FAN1: variants seen among roughly 807,000 people sequenced by gnomAD.
FAN1 encodes the protein FANCD2 and FANCI associated nuclease 1.
Under a neutral mutation model 104.9 loss-of-function variants are expected in FAN1, and 91 were observed. That is an observed-to-expected ratio of 0.87 (90% CI 0.73 to 1.03). The LOEUF is 1.03. Ranked by LOEUF, FAN1 falls within the 50% of genes least tolerant of loss-of-function variation. The pLI, the probability that FAN1 is intolerant of heterozygous loss-of-function variation, is 0.00. For missense variants in FAN1, 1,263 were observed against 1,239.9 expected (o/e 1.02, Z -0.28); for synonymous variants, 478 against 457.6 (o/e 1.04, Z -0.57).
chr15:30,907,977 C>T (rs2062018813), intron 2 of FAN1, 141 bp from the exon 3 acceptor site: 2 of 544,264 alleles, frequency 3.7e-6, no homozygotes, highest in African/African-American at 3.9e-5. Flanking sequence ...TTTAAATGTA[C>T]TTTCAAAATG....
In FAN1 at chr15:30,942,389, G is replaced by C. The variant is rs1191387478; in HGVS notation, c.*827G>C. The C allele has an allele frequency of 1.3e-5, 5 of 378,870 alleles. No homozygotes were observed. In the East Asian group the frequency reaches 2.5e-4, roughly 19 times the overall value. 23.5% of individuals were successfully genotyped at this position (378,870 alleles called of 1,614,324 possible). ...CACTAGACCTGGCCGATTCTATCAAGAACAATGGCAAACTGAACAGAGGCA... is the reference window on the plus strand; with the variant it reads ...CACTAGACCTGGCCGATTCTATCAACAACAATGGCAAACTGAACAGAGGCA... On this transcript the variant is annotated 3_prime_UTR_variant, in exon 15 of 15. Coordinates refer to ENST00000362065, the MANE Select transcript of FAN1 (RefSeq NM_014967.5).
At chr15:30,938,120 C>CTT (rs1351443997) in intron 14 of FAN1, among the ~76,000 whole-genome samples, 5 of 151,464 alleles carry the variant, frequency 3.3e-5, no homozygotes, top group Admixed American at 2.6e-4. Context: ...GGAGGTGGAG[C>CTT]TTGCAGTGAG....
chr15:30,905,380 C>T lies in FAN1; in HGVS notation c.717C>T (p.Ala239=), dbSNP rs1479347664. ...HMVRGSKIME[A]ESQKATRECE... The stretch of plus-strand genomic sequence containing the variant: ...TAAGAGGAAGTAAAATAATGGAAGC[C>T]GAAAGCCAAAAGGCTACCCGGGAAT... The change falls in exon 2 of 15, where the codon GCC becomes GCT. Residue 239 remains alanine, a synonymous_variant. Coordinates refer to ENST00000362065, the MANE Select transcript of FAN1 (RefSeq NM_014967.5). 3.1e-6 allele frequency: 5 copies of T among 1,613,988 alleles called. No individual in the cohort carries two copies. The highest frequency in any genetic ancestry group is 4.2e-6 in the Non-Finnish European group (5 of 1,179,984).
intron 13 of FAN1, among the ~76,000 whole-genome samples, chr15:30,934,447 G>C (rs1385705835): frequency 2.0e-5 from 3 of 152,136 alleles, no homozygotes; most frequent in South Asian, 2.1e-4. Context: ...TTTAAATCCT[G>C]ATACTTATTT....
intron 10 of FAN1, chr15:30,928,273 A>G (rs1303225586): frequency 1.2e-5 from 15 of 1,209,660 alleles, no homozygotes; most frequent in African/African-American, 1.6e-5. Context: ...GTTATTCACT[A>G]AAGTTTGAGA....
chr15:30,929,572 ATATT>A (rs1156418788), intron 12 of FAN1, among the ~76,000 whole-genome samples, 175 bp downstream of exon 12: 9 of 125,112 alleles, frequency 7.2e-5, no homozygotes, highest in East Asian at 6.8e-4. Flanking sequence ...TATCTTTATT[ATATT>A]TATTATATTA....
At chr15:30,939,795 A>C (rs2062978106) in intron 14 of FAN1, 2 of 985,210 alleles carry the variant, frequency 2.0e-6, no homozygotes, top group Admixed American at 1.2e-4. Context: ...TGGTGTTATA[A>C]GGAGATTGGG....
chr15:30,909,775 C>T lies in FAN1; in HGVS notation c.1376-839C>T, dbSNP rs369079391. On this transcript the variant is annotated intron_variant, in intron 3 of 14. Coordinates refer to ENST00000362065, the MANE Select transcript of FAN1 (RefSeq NM_014967.5). ...TTTCCCCTCCACCCAGGTCAGTTTC[C>T]ACCACGTGGCCACACGGCATAGTTC... Among the ~76,000 whole-genome samples, 6 of 152,206 alleles carry T rather than the reference C, an allele frequency of 3.9e-5. No homozygotes were observed. In the East Asian group the frequency reaches 9.6e-4, roughly 24 times the overall value.
Position 30,918,262 on chromosome 15 carries a change from A to T in FAN1, c.1910A>T (p.Asp637Val). Residue 637 changes from aspartate to valine, a missense_variant, in exon 6 of 15, where the codon GAT becomes GTT. Transcript: ENST00000362065. ...GAGCTCGCTCAGTGTGCAAAAAGGG[A>T]TTGGAACAGACTGAAAAACCACCCT... ...AKELAQCAKR[D>V]WNRLKNHPSL... 6.2e-7 allele frequency: 1 copy of T among 1,614,190 alleles called. No individual in the cohort carries two copies.
chr15:30,937,302 T>G, intron 14 of FAN1, 43 bp downstream of exon 14: 1 of 1,550,908 alleles, frequency 6.4e-7, no homozygotes, highest in Non-Finnish European at 8.8e-7. Flanking sequence ...ATGTAAGATT[T>G]TCAAGAGTAT....
chr15:30,904,812 T>C lies in FAN1; in HGVS notation c.149T>C (p.Met50Thr), dbSNP rs148404807. 1 of 1,613,486 alleles carries C rather than the reference T, an allele frequency of 6.2e-7. No homozygotes were observed. Among genetic ancestry groups the C allele is most frequent in the African/African-American group, 1.3e-5 (1 of 74,930 alleles). Residue 50 changes from methionine to threonine, a missense_variant, in exon 2 of 15, where the codon ATG becomes ACG. Transcript: ENST00000362065. The stretch of plus-strand genomic sequence containing the variant: ...CTTGCCTGCCCCGTTTGCAGTAAAA[T>C]GGTGCCTAGATATGACTTAAACCGG... ...AKLACPVCSK[M>T]VPRYDLNRHL...
Position 30,914,027 on chromosome 15 carries a change from G to T in FAN1, c.1747G>T (p.Glu583Ter), listed in dbSNP as rs1430143858. The T allele has an allele frequency of 6.2e-7, 1 of 1,614,158 alleles. No individual in the cohort carries two copies. The highest frequency in any genetic ancestry group is 1.1e-5 in the South Asian group (1 of 91,084). Residue 583 changes from glutamate to a stop codon, truncating the protein, a stop_gained, in exon 5 of 15, where the codon GAG becomes TAG. Transcript: ENST00000362065. LOFTEE classifies it high-confidence loss of function. ...CCTGTTGGTCAACCTCGGCCGAATG[G>T]AGTTTCCTAGTTACACCATCAATCG... The part of the protein sequence containing the change: ...TVLLVNLGRM[E>*]FPSYTINRKT...
Position 30,904,842 on chromosome 15 carries a change from T to A in FAN1, c.179T>A (p.Leu60His), listed in dbSNP as rs777970369. 1.9e-6 allele frequency: 3 copies of A among 1,613,154 alleles called. No homozygotes were observed. ...MVPRYDLNRH[L>H]DEMCANNDFV... ...CCTAGATATGACTTAAACCGGCACC[T>A]TGATGAAATGTGTGCTAACAATGAC... Residue 60 changes from leucine (L) to histidine (H), a missense_variant, in exon 2 of 15, where the codon CTT becomes CAT. By Grantham distance (99) the Leu-to-His change is moderately conservative. Coordinates refer to ENST00000362065, the MANE Select transcript of FAN1 (RefSeq NM_014967.5).
At chr15:30,932,606 G>A (rs1282783611) in intron 13 of FAN1, among the ~76,000 whole-genome samples, 1 of 151,686 alleles carries the variant, frequency 6.6e-6, no homozygotes, top group Non-Finnish European at 1.5e-5. Context: ...ACATAAGGCT[G>A]TTCATATTAT....
In FAN1 at chr15:30,928,174, G is replaced by C. The variant is rs144474452; in HGVS notation, c.2489-379G>C. On this transcript the variant is annotated intron_variant, in intron 10 of 14. Transcript: ENST00000362065. ...CCTCCGGCATCAGGGCCTGCATGGGGATTCTGTGCCAGCCCAGCCCTGCTA... is the reference window on the plus strand; with the variant it reads ...CCTCCGGCATCAGGGCCTGCATGGGCATTCTGTGCCAGCCCAGCCCTGCTA... The C allele has an allele frequency of 1.6e-3, 1,621 of 1,011,720 alleles. 4 individuals carry two copies. Among genetic ancestry groups the C allele is most frequent in the Non-Finnish European group, 1.6e-3 (1,342 of 847,184 alleles). 62.7% of individuals were successfully genotyped at this position (1,011,720 alleles called of 1,614,324 possible). A position where few individuals can be genotyped will look rare whatever the true frequency, so the allele number is the denominator to read the frequency against.
intron 4 of FAN1, 139 bp downstream of exon 4, chr15:30,910,954 T>C (rs1482760358): frequency 4.3e-6 from 6 of 1,381,046 alleles, no homozygotes; most frequent in East Asian, 2.7e-5. Context: ...AAAGCCTTAA[T>C]TGCAATAGCC....
intron 14 of FAN1, chr15:30,940,344 C>A: frequency 1.0e-6 from 1 of 985,386 alleles, no homozygotes; most frequent in Non-Finnish European, 1.2e-6. Context: ...CTTTGCTGTC[C>A]AAAGTTGGGG....
rs988264202 is a variant in FAN1, at chr15:30,942,231, T to G, written c.*669T>G. 2.9e-5 allele frequency: 26 copies of G among 900,812 alleles called. No individual in the cohort carries two copies. Among genetic ancestry groups the G allele is most frequent in the Non-Finnish European group, 4.2e-5 (25 of 597,956 alleles). 55.8% of individuals were successfully genotyped at this position (900,812 alleles called of 1,614,324 possible). ...CTTTGTGTCCTTATTCTAATCCTCCTCCCCTGGAATTACACTTTTTTATGT... is the reference window on the plus strand; with the variant it reads ...CTTTGTGTCCTTATTCTAATCCTCCGCCCCTGGAATTACACTTTTTTATGT... On this transcript the variant is annotated 3_prime_UTR_variant, in exon 15 of 15. Coordinates refer to ENST00000362065, the MANE Select transcript of FAN1 (RefSeq NM_014967.5).
At position 30,914,065 on chromosome 15, in the gene FAN1, C is replaced by G. The variant is rs1418730756; in HGVS notation, c.1785C>G (p.Ile595Met). The G allele has an allele frequency of 6.2e-7, 1 of 1,613,722 alleles. No homozygotes were observed. Among genetic ancestry groups the G allele is most frequent in the South Asian group, 1.1e-5 (1 of 91,062 alleles). The change falls in exon 5 of 15, where the codon ATC (isoleucine) becomes ATG (methionine). Residue 595 changes from isoleucine to methionine, a missense_variant. This residue lies in a region of FAN1 where 581 missense variants were observed against 668.8 expected (regional missense o/e 0.87). Transcript: ENST00000362065. ...ACACCATCAATCGGAAAACCCACAT[C>G]TTCCAAGACAGAGATGATCTTATCA... Reference protein sequence around the residue: ...PSYTINRKTHIFQDRDDLIRY... With the variant: ...PSYTINRKTHMFQDRDDLIRY...
Sources: gnomAD v4.1 joint callset for allele counts (sites outside exome capture counted in the v4.1 genomes callset) on GRCh38, gnomAD v4.1.1 for gene constraint, gnomAD v4.1.1 regional missense constraint, MANE v1.5 for transcripts, NCBI Gene and HGNC (gene_info 2026-07-23, HGNC 2026-07-21) for gene names.